The following KSR2 variants were observed in gnomAD, a reference collection of about 807,000 sequenced individuals.
The protein encoded by KSR2 is kinase suppressor of ras 2.
A neutral mutation model predicts 107.8 loss-of-function variants in KSR2; 25 were observed. That is an observed-to-expected ratio of 0.23 (90% CI 0.17 to 0.32). The LOEUF (loss-of-function observed/expected upper bound fraction) is 0.32. Ranked by LOEUF, KSR2 falls within the 10% of genes least tolerant of loss-of-function variation. The pLI, the probability that KSR2 is intolerant of heterozygous loss-of-function variation, is 1.00. For synonymous variants in KSR2, 480 were observed against 507.0 expected, an observed-to-expected ratio of 0.95 and a Z score of 0.71; for missense variants, 887 against 1,268.9, an observed-to-expected ratio of 0.70 and a Z score of 4.57.
At chr12:117,797,728 A>T (rs112123853) in intron 3 of KSR2, among the ~76,000 whole-genome samples, 1 of 119,380 alleles carries the variant, frequency 8.4e-6, no homozygotes, top group East Asian at 3.0e-4. Flanking sequence ...GACTCAAACC[A>T]TCCTGGGCTC....
chr12:117,896,870 T>C (rs926185041), intron 1 of KSR2, among the ~76,000 whole-genome samples: 3 of 152,200 alleles, frequency 2.0e-5, no homozygotes, highest in Non-Finnish European at 2.9e-5. Flanking sequence ...GTGATTCTAA[T>C]ATGGAGTCAA....
chr12:117,589,224 G>A (rs992043309), intron 5 of KSR2, among the ~76,000 whole-genome samples: 9 of 152,222 alleles, frequency 5.9e-5, no homozygotes, highest in Non-Finnish European at 1.2e-4. Flanking sequence ...TCTTTGAATC[G>A]CTAAACCCTG....
rs1894556356 is a variant in KSR2, at chr12:117,897,637, T to C, written c.181-37206A>G. ...ATTCTCCCCCTGTGGAAATCCCCTT[T>C]GGTACAAAAATAAGCACGAGGTTGG... On this transcript the variant is annotated intron_variant, in intron 1 of 19. Coordinates refer to ENST00000339824, the MANE Select transcript of KSR2 (RefSeq NM_173598.6). This position sits in a 1 kb window ranked among gnomAD's most constrained non-coding sequence, Gnocchi z 4.5. Among the ~76,000 whole-genome samples, 1 of 152,058 alleles carries C rather than the reference T, an allele frequency of 6.6e-6. No individual in the cohort carries two copies. Among genetic ancestry groups the C allele is most frequent in the Non-Finnish European group, 1.5e-5 (1 of 68,008 alleles).
intron 8 of KSR2, among the ~76,000 whole-genome samples, chr12:117,557,775 G>A (rs563943817): frequency 1.4e-4 from 21 of 152,252 alleles, no homozygotes; most frequent in South Asian, 1.2e-3. Context: ...AAAGTCCCTC[G>A]GAGATAAATT....
At chr12:117,655,380 G>A (rs552779511) in intron 5 of KSR2, among the ~76,000 whole-genome samples, 28 of 152,292 alleles carry the variant, frequency 1.8e-4, no homozygotes, top group African/African-American at 5.3e-4. Flanking sequence ...TTGATAGAAC[G>A]GTGGAATGGC....
At chr12:117,473,982 G>A (rs916732089) in intron 17 of KSR2, among the ~76,000 whole-genome samples, 3 of 152,158 alleles carry the variant, frequency 2.0e-5, no homozygotes, top group Non-Finnish European at 4.4e-5. Flanking sequence ...TTAACACAGT[G>A]CTCAATCCTC....
intron 7 of KSR2, 108 bp downstream of exon 7, chr12:117,579,011 C>T: frequency 1.3e-6 from 1 of 796,702 alleles, no homozygotes; most frequent in South Asian, 1.5e-5. Context: ...AAGCAAACAA[C>T]TCTCCCAAGA....
At chr12:117,592,868 C>G (rs1035552835) in intron 5 of KSR2, among the ~76,000 whole-genome samples, 2 of 152,190 alleles carry the variant, frequency 1.3e-5, no homozygotes, top group South Asian at 4.2e-4. Context: ...GGGCACAAGA[C>G]ACATCCCATG....
intron 14 of KSR2, among the ~76,000 whole-genome samples, chr12:117,508,675 T>C (rs1461228506): frequency 2.0e-5 from 3 of 150,714 alleles, no homozygotes; most frequent in Non-Finnish European, 4.4e-5. Flanking sequence ...ACTGACAGGA[T>C]GAATGGGTAA....
At chr12:117,824,856 CAAAAAAA>C (rs146100153) in intron 3 of KSR2, among the ~76,000 whole-genome samples, 2 of 74,982 alleles carry the variant, frequency 2.7e-5, no homozygotes. Flanking sequence ...GACTCTATCT[CAAAAAAA>C]AAAAAAAAAA....
intron 3 of KSR2, among the ~76,000 whole-genome samples, chr12:117,790,684 G>T (rs180925047): frequency 3.5e-4 from 54 of 152,298 alleles, no homozygotes; most frequent in Non-Finnish European, 6.8e-4. Context: ...ATGGCAGGCA[G>T]GTTTGCCAGC....
chr12:117,682,156 A>G (rs963993813), intron 4 of KSR2, among the ~76,000 whole-genome samples: 1 of 152,186 alleles, frequency 6.6e-6, no homozygotes, highest in Non-Finnish European at 1.5e-5. Flanking sequence ...TCCTCAGCAA[A>G]CTAATGCAGG....
chr12:117,625,110 C>T (rs1339414711), intron 5 of KSR2, among the ~76,000 whole-genome samples: 3 of 152,090 alleles, frequency 2.0e-5, no homozygotes, highest in Non-Finnish European at 2.9e-5. Flanking sequence ...TGGGCTGAGG[C>T]GATGGGGTTT....
intron 9 of KSR2, among the ~76,000 whole-genome samples, chr12:117,542,142 T>A (rs1292826514): frequency 1.3e-5 from 2 of 151,874 alleles, no homozygotes; most frequent in Non-Finnish European, 1.5e-5. Context: ...TCCTCCCCCC[T>A]CAGCCTCCCA....
chr12:117,625,368 A>G (rs1005084536), intron 5 of KSR2, among the ~76,000 whole-genome samples: 2 of 152,158 alleles, frequency 1.3e-5, no homozygotes, highest in African/African-American at 4.8e-5. Flanking sequence ...TTATTTTGAG[A>G]TACGTCCCAT....
At chr12:117,932,338 G>A (rs767898714) in intron 1 of KSR2, among the ~76,000 whole-genome samples, 2 of 151,910 alleles carry the variant, frequency 1.3e-5, no homozygotes, top group African/African-American at 2.4e-5. Flanking sequence ...ACTTAATCAT[G>A]GTGTTATACA....
intron 10 of KSR2, among the ~76,000 whole-genome samples, chr12:117,537,358 A>G (rs760195703): frequency 6.6e-6 from 1 of 152,230 alleles, no homozygotes; most frequent in Non-Finnish European, 1.5e-5. Flanking sequence ...CATATTAATT[A>G]GCAGTGATGA....
intron 1 of KSR2, among the ~76,000 whole-genome samples, chr12:117,909,519 C>T (rs530497085): frequency 3.3e-5 from 5 of 152,338 alleles, no homozygotes; most frequent in African/African-American, 1.2e-4. Context: ...TCTCAGGGAA[C>T]ATTTTAGCTG....
At chr12:117,621,889 C>T (rs992712113) in intron 5 of KSR2, among the ~76,000 whole-genome samples, 1 of 152,134 alleles carries the variant, frequency 6.6e-6, no homozygotes, top group African/African-American at 2.4e-5. Flanking sequence ...ACCACTGTCT[C>T]CTACAGCTCC....
Sources: gnomAD v4.1 joint callset for allele counts (sites outside exome capture counted in the v4.1 genomes callset) on GRCh38, gnomAD v4.1.1 for gene constraint, Gnocchi (gnomAD v3.1) non-coding constraint, MANE v1.5 for transcripts, NCBI Gene and HGNC (gene_info 2026-07-23, HGNC 2026-07-21) for gene names.